LARP1: variants seen among roughly 807,000 people sequenced by gnomAD.
LARP1 encodes the protein La ribonucleoprotein 1, translational regulator, also known as la-related protein 1.
A neutral mutation model predicts 122.7 loss-of-function variants in LARP1; 36 were observed. The ratio of observed to expected loss-of-function variants is 0.29; its 90% confidence interval spans 0.22 to 0.39. The LOEUF is 0.39. Among genes scored for constraint, LARP1 ranks in the 10% least tolerant of loss-of-function variants. The pLI is 1.00. For synonymous variants in LARP1, 539 were observed against 528.7 expected, an observed-to-expected ratio of 1.02 and a Z score of -0.27; for missense variants, 1,040 against 1,403.6, an observed-to-expected ratio of 0.74 and a Z score of 4.14.
chr5:154,776,635 G>C (rs1755909490), intron 1 of LARP1, among the ~76,000 whole-genome samples: 1 of 152,198 alleles, frequency 6.6e-6, no homozygotes, highest in South Asian at 2.1e-4. Flanking sequence ...TACAACTGCA[G>C]GTGTTCAATT....
intron 1 of LARP1, among the ~76,000 whole-genome samples, chr5:154,741,495 T>TC (rs1270252973): frequency 6.6e-6 from 1 of 152,128 alleles, no homozygotes; most frequent in Non-Finnish European, 1.5e-5. Context: ...ATGGAGTATT[T>TC]CAACCAGGCT....
chr5:154,750,847 A>C (rs1010022507), upstream of LARP1, among the ~76,000 whole-genome samples: 1 of 152,126 alleles, frequency 6.6e-6, no homozygotes, highest in Non-Finnish European at 1.5e-5. Context: ...TCCCGGGCTC[A>C]AGCAATTCTC....
At chr5:154,736,571 TA>T (rs1380883427) in intron 1 of LARP1, among the ~76,000 whole-genome samples, 1 of 150,510 alleles carries the variant, frequency 6.6e-6, no homozygotes, top group African/African-American at 2.4e-5. Context: ...TTTATTTATT[TA>T]TTTATTTATT....
At chr5:154,701,201 C>A (rs1040304110) in intron 1 of LARP1, among the ~76,000 whole-genome samples, 3 of 152,098 alleles carry the variant, frequency 2.0e-5, no homozygotes, top group Non-Finnish European at 4.4e-5. Context: ...CTTACCCTTA[C>A]CTGGGCCCTA....
Position 154,733,683 on chromosome 5 carries a change from C to T in LARP1, c.205+20553C>T, listed in dbSNP as rs1188185894. On this transcript the variant is annotated intron_variant, in intron 1 of 18. Coordinates refer to the LARP1 transcript ENST00000336314. Reference sequence around the variant, plus strand: ...GTTCAAGCTATTCTCCTGCCTTAGCCTCCTGCGTAGCTGGGATTACAGGTG... The same window carrying T: ...GTTCAAGCTATTCTCCTGCCTTAGCTTCCTGCGTAGCTGGGATTACAGGTG... Among the ~76,000 whole-genome samples the T allele has an allele frequency of 3.9e-5, 6 of 152,056 alleles. No homozygotes were observed. In the East Asian group the frequency reaches 1.2e-3, roughly 30 times the overall value.
intron 1 of LARP1, among the ~76,000 whole-genome samples, chr5:154,787,276 G>T (rs1756967012): frequency 6.6e-6 from 1 of 152,238 alleles, no homozygotes; most frequent in Non-Finnish European, 1.5e-5. Context: ...GTAGAAGGAG[G>T]AGAATTATCC....
chr5:154,814,068 A>C lies in LARP1; in HGVS notation c.3263A>C (p.His1088Pro). The C allele has an allele frequency of 6.2e-7, 1 of 1,614,022 alleles. No homozygotes were observed. Among genetic ancestry groups the C allele is most frequent in the Non-Finnish European group, 8.5e-7 (1 of 1,180,018 alleles). ...GAAGATGCCAAATGGACAAGCCAGC[A>C]CTCGAACACACAGACTTTGGGAAAG... ...VREDAKWTSQ[H>P]SNTQTLGK is the part of the protein sequence containing the mutation. Residue 1088 changes from histidine (H) to proline (P), a missense_variant, in exon 19 of 19, where the codon CAC becomes CCC. By Grantham distance (77) the His-to-Pro change is moderately conservative. This residue lies in a region of LARP1 where 129 missense variants were observed against 160.8 expected (regional missense o/e 0.80). Coordinates refer to ENST00000518297, the MANE Select transcript of LARP1 (RefSeq NM_033551.3).
chr5:154,746,201 G>A (rs1027664446), intron 1 of LARP1, among the ~76,000 whole-genome samples: 32 of 151,668 alleles, frequency 2.1e-4, no homozygotes, highest in Admixed American at 2.1e-3. Context: ...AGTGTAGGGA[G>A]TTTTGTTCCC....
At chr5:154,706,327 AT>A (rs776832260) in intron 1 of LARP1, among the ~76,000 whole-genome samples, 3 of 149,362 alleles carry the variant, frequency 2.0e-5, no homozygotes, top group Non-Finnish European at 4.4e-5. Flanking sequence ...AATAATAATA[AT>A]AATAATAAAA....
chr5:154,758,233 G>A (rs1042822771), intron 1 of LARP1, among the ~76,000 whole-genome samples: 1 of 152,080 alleles, frequency 6.6e-6, no homozygotes, highest in Non-Finnish European at 1.5e-5. Context: ...CGTCACTGGG[G>A]TTATTGATCG....
At chr5:154,797,236 T>G (rs1237665533) in intron 8 of LARP1, among the ~76,000 whole-genome samples, 1 of 132,934 alleles carries the variant, frequency 7.5e-6, no homozygotes, top group African/African-American at 2.9e-5. Context: ...TTTTTTTTTT[T>G]TTTTTTTTTT....
chr5:154,795,145 C>T (rs769719203), intron 7 of LARP1, 30 bp from the exon 8 acceptor site: 24 of 1,607,966 alleles, frequency 1.5e-5, no homozygotes, highest in African/African-American at 4.0e-5. Context: ...ACCAATCCCT[C>T]GGTGATAACT....
At chr5:154,746,211 C>T (rs1018324927) in intron 1 of LARP1, among the ~76,000 whole-genome samples, 6 of 151,472 alleles carry the variant, frequency 4.0e-5, no homozygotes, top group Admixed American at 2.0e-4. Flanking sequence ...GTTTTGTTCC[C>T]AGCGGGAGGG....
At chr5:154,806,806 T>C (rs1049265818) in intron 15 of LARP1, among the ~76,000 whole-genome samples, 1 of 152,260 alleles carries the variant, frequency 6.6e-6, no homozygotes, top group Non-Finnish European at 1.5e-5. Context: ...ATAACAGCTT[T>C]ATTGGGATAT....
intron 1 of LARP1, among the ~76,000 whole-genome samples, chr5:154,693,869 A>AAG (rs33959298): frequency 0.08 from 11,682 of 145,398 alleles, 1,174 homozygotes; most frequent in African/African-American, 0.24. Flanking sequence ...AAAAAAAAAA[A>AAG]AAAGAAAGAA....
At chr5:154,747,179 A>T (rs1753237299) in intron 1 of LARP1, among the ~76,000 whole-genome samples, 1 of 151,892 alleles carries the variant, frequency 6.6e-6, no homozygotes, top group South Asian at 2.1e-4. Context: ...GGTGGCGGGC[A>T]CCTGTAATCC....
chr5:154,773,507 A>G (rs1196325682), intron 1 of LARP1, among the ~76,000 whole-genome samples: 1 of 152,162 alleles, frequency 6.6e-6, no homozygotes, highest in African/African-American at 2.4e-5. Flanking sequence ...CACAAATCAC[A>G]TGCACACATG....
At chr5:154,692,699 C>CA (rs1230426832) in intron 1 of LARP1, among the ~76,000 whole-genome samples, 2 of 152,182 alleles carry the variant, frequency 1.3e-5, no homozygotes, top group African/African-American at 4.8e-5. Flanking sequence ...CACTCAGCAT[C>CA]ACACATGGTG....
intron 8 of LARP1, among the ~76,000 whole-genome samples, chr5:154,796,040 A>G (rs1377781728): frequency 9.0e-6 from 1 of 111,246 alleles, no homozygotes; most frequent in Non-Finnish European, 1.7e-5. Flanking sequence ...TTTTATATAT[A>G]TTATATATTT....
Sources: gnomAD v4.1 joint callset for allele counts (sites outside exome capture counted in the v4.1 genomes callset) on GRCh38, gnomAD v4.1.1 for gene constraint, gnomAD v4.1.1 regional missense constraint, MANE v1.5 for transcripts, NCBI Gene and HGNC (gene_info 2026-07-23, HGNC 2026-07-21) for gene names.